Variants in PRKN observed in about 807,000 individuals in gnomAD.
The protein encoded by PRKN is parkin RBR E3 ubiquitin protein ligase.
A neutral mutation model predicts 59.5 loss-of-function variants in PRKN; 56 were observed. That is an observed-to-expected ratio of 0.94 (90% CI 0.76 to 1.18). PRKN has a LOEUF of 1.18. PRKN is among the 50% of genes most tolerant of loss of function. PRKN has a pLI of 0.00. For synonymous variants in PRKN, 250 were observed against 222.1 expected (o/e 1.13, Z -1.12); for missense variants, 657 against 596.4 (o/e 1.10, Z -1.06).
At chr6:162,607,927 G>T (rs545706938) in intron 1 of PRKN, among the ~76,000 whole-genome samples, 1 of 152,194 alleles carries the variant, frequency 6.6e-6, no homozygotes, top group African/African-American at 2.4e-5. Flanking sequence ...GAGATGCCTA[G>T]CAAGAGATGG....
chr6:161,816,031 A>T (rs528167572), intron 6 of PRKN, among the ~76,000 whole-genome samples: 1 of 152,168 alleles, frequency 6.6e-6, no homozygotes, highest in Non-Finnish European at 1.5e-5. Flanking sequence ...ACCCGTGTGC[A>T]TGCAAAAACT....
intron 2 of PRKN, among the ~76,000 whole-genome samples, chr6:162,363,229 C>T (rs1027495504): frequency 4.6e-5 from 7 of 151,782 alleles, no homozygotes; most frequent in South Asian, 4.2e-4. Context: ...TGCCCAGGCA[C>T]GTGTCTGTAT....
intron 4 of PRKN, among the ~76,000 whole-genome samples, chr6:162,128,029 T>A (rs1562529242): frequency 6.6e-6 from 1 of 152,208 alleles, no homozygotes; most frequent in African/African-American, 2.4e-5. Flanking sequence ...ACATCCTCAG[T>A]GAGACTTCTT....
At position 161,480,789 on chromosome 6, in the gene PRKN, A is replaced by G. The variant is rs759722154; in HGVS notation, c.1083+68065T>C. Among the ~76,000 whole-genome samples, 1 of 152,274 alleles carries G rather than the reference A, an allele frequency of 6.6e-6. No individual in the cohort carries two copies. Among genetic ancestry groups the G allele is most frequent in the Non-Finnish European group, 1.5e-5 (1 of 68,046 alleles). ...CCTTATCTGAAATACCTGCCTCAGC[A>G]CATGCTGAAAGTATCAATAAAGAAA... is the stretch of plus-strand genomic sequence containing the variant. On this transcript the variant is annotated intron_variant, in intron 9 of 11. Coordinates refer to ENST00000366898, the MANE Select transcript of PRKN (RefSeq NM_004562.3). This position sits in a 1 kb window ranked among gnomAD's most constrained non-coding sequence, Gnocchi z 4.1.
At chr6:161,852,780 A>T (rs1793492472) in intron 6 of PRKN, among the ~76,000 whole-genome samples, 1 of 152,218 alleles carries the variant, frequency 6.6e-6, no homozygotes, top group Non-Finnish European at 1.5e-5. Flanking sequence ...AAATCATGAA[A>T]AAAGAAGGCC....
At chr6:162,172,657 G>A (rs974066890) in intron 4 of PRKN, among the ~76,000 whole-genome samples, 1 of 152,160 alleles carries the variant, frequency 6.6e-6, no homozygotes, top group African/African-American at 2.4e-5. Context: ...GACAAATGTA[G>A]CTCCTCTAAT....
intron 6 of PRKN, among the ~76,000 whole-genome samples, chr6:161,869,778 C>T (rs1459004677): frequency 6.6e-6 from 1 of 152,148 alleles, no homozygotes; most frequent in Admixed American, 6.6e-5. Context: ...TCATTGTCTT[C>T]TTCCCAGGGC....
At position 161,400,360 on chromosome 6, in the gene PRKN, T is replaced by C. The variant is rs916524603; in HGVS notation, c.1084-13483A>G. On this transcript the variant is annotated intron_variant, in intron 9 of 11. Coordinates refer to ENST00000366898, the MANE Select transcript of PRKN (RefSeq NM_004562.3). This position sits in a 1 kb window ranked among gnomAD's most constrained non-coding sequence, Gnocchi z 4.2. Reference sequence around the variant, plus strand: ...TTCACTCTTGTCACCCAGGCTGGAGTGCAATGGCACGATCTCCGCTCACTG... The same window carrying C: ...TTCACTCTTGTCACCCAGGCTGGAGCGCAATGGCACGATCTCCGCTCACTG... 6.6e-6 allele frequency among the ~76,000 whole-genome samples: 1 copy of C among 151,248 alleles called. No individual in the cohort carries two copies.
chr6:162,659,194 T>C (rs916357416), intron 1 of PRKN, among the ~76,000 whole-genome samples: 1 of 152,208 alleles, frequency 6.6e-6, no homozygotes, highest in East Asian at 1.9e-4. Flanking sequence ...ATACAATTCA[T>C]TTCTGGCTAT....
intron 5 of PRKN, among the ~76,000 whole-genome samples, chr6:162,006,954 T>C (rs1009044592): frequency 1.3e-5 from 2 of 152,080 alleles, no homozygotes; most frequent in African/African-American, 4.8e-5. Context: ...GCACATTGTA[T>C]GGCTTCATTA....
intron 9 of PRKN, among the ~76,000 whole-genome samples, chr6:161,426,676 C>CACACACACACACACACACACACATAT (rs11271613): frequency 1.1e-4 from 16 of 142,790 alleles, no homozygotes; most frequent in African/African-American, 4.1e-4. Context: ...CACACACACA[C>CACACACACACACACACACACACATAT]CTCCTATTAG....
intron 1 of PRKN, among the ~76,000 whole-genome samples, chr6:162,541,155 C>G (rs1349655257): frequency 6.6e-6 from 1 of 152,126 alleles, no homozygotes; most frequent in Non-Finnish European, 1.5e-5. Context: ...TGGGCTCAGG[C>G]AGTACAATGG....
At chr6:161,366,915 T>C (rs1259809259) in intron 10 of PRKN, among the ~76,000 whole-genome samples, 1 of 152,106 alleles carries the variant, frequency 6.6e-6, no homozygotes, top group Non-Finnish European at 1.5e-5. Flanking sequence ...TTTTTTGTTT[T>C]TTTTCTTGCT....
intron 1 of PRKN, among the ~76,000 whole-genome samples, chr6:162,530,072 G>C (rs1778448288): frequency 6.6e-6 from 1 of 151,432 alleles, no homozygotes; most frequent in Admixed American, 6.6e-5. Context: ...GGAGGTTGCA[G>C]TGAGCCAAGA....
intron 1 of PRKN, among the ~76,000 whole-genome samples, chr6:162,446,044 T>G (rs757787688): frequency 1.3e-5 from 2 of 152,192 alleles, no homozygotes; most frequent in Non-Finnish European, 2.9e-5. Flanking sequence ...TGAAAAATAC[T>G]AATTACGGAG....
chr6:161,927,775 A>T (rs1051037263), intron 6 of PRKN, among the ~76,000 whole-genome samples: 1 of 138,042 alleles, frequency 7.2e-6, no homozygotes, highest in African/African-American at 3.3e-5. Context: ...ACTCTGTTTA[A>T]AAAAAAAAAA....
chr6:162,691,058 T>C (rs1324225671), intron 1 of PRKN, among the ~76,000 whole-genome samples: 1 of 152,132 alleles, frequency 6.6e-6, no homozygotes, highest in Non-Finnish European at 1.5e-5. Flanking sequence ...CCCATTCATC[T>C]TTTTCAAAAT....
intron 6 of PRKN, among the ~76,000 whole-genome samples, chr6:161,834,626 T>C (rs1012814919): frequency 3.9e-5 from 6 of 152,232 alleles, no homozygotes; most frequent in South Asian, 2.1e-4. Context: ...GATTGTTACA[T>C]TGTAGACACT....
intron 4 of PRKN, among the ~76,000 whole-genome samples, chr6:162,115,228 A>T (rs1161385865): frequency 6.6e-6 from 1 of 152,054 alleles, no homozygotes; most frequent in East Asian, 1.9e-4. Context: ...CATCATTCTC[A>T]GTAAACTATC....
Sources: gnomAD v4.1 joint callset for allele counts (sites outside exome capture counted in the v4.1 genomes callset) on GRCh38, gnomAD v4.1.1 for gene constraint, Gnocchi (gnomAD v3.1) non-coding constraint, MANE v1.5 for transcripts, NCBI Gene and HGNC (gene_info 2026-07-23, HGNC 2026-07-21) for gene names.